KANSL1L: variants seen among roughly 807,000 people sequenced by gnomAD.
KANSL1L encodes the protein KAT8 regulatory NSL complex subunit 1-like protein.
KANSL1L carries 25 observed loss-of-function variants against 108.6 expected under a neutral mutation model. The observed-to-expected ratio is 0.23, with a 90% CI of 0.17 to 0.32. The LOEUF is 0.32. Ranked by LOEUF, KANSL1L falls within the 10% of genes least tolerant of loss-of-function variation. The pLI is 1.00. For synonymous variants in KANSL1L, 405 were observed against 395.1 expected, an observed-to-expected ratio of 1.03 and a Z score of -0.30; for missense variants, 1,137 against 1,125.7, an observed-to-expected ratio of 1.01 and a Z score of -0.14.
At chr2:210,160,664 A>G (rs1422913331) in intron 1 of KANSL1L, among the ~76,000 whole-genome samples, 1 of 152,234 alleles carries the variant, frequency 6.6e-6, no homozygotes, top group Non-Finnish European at 1.5e-5. Flanking sequence ...TAAAAATATC[A>G]AGACCTAAAT....
At chr2:210,150,960 T>C (rs2095299016) in intron 2 of KANSL1L, among the ~76,000 whole-genome samples, 1 of 151,950 alleles carries the variant, frequency 6.6e-6, no homozygotes, top group South Asian at 2.1e-4. Context: ...TTATAGGAAA[T>C]CAATGAAGAG....
At chr2:210,086,671 G>A (rs1575503032) in intron 5 of KANSL1L, among the ~76,000 whole-genome samples, 1 of 151,858 alleles carries the variant, frequency 6.6e-6, no homozygotes, top group Non-Finnish European at 1.5e-5. Context: ...AAATTATGAA[G>A]AATTCATATT....
intron 2 of KANSL1L, among the ~76,000 whole-genome samples, chr2:210,132,436 A>C (rs889370557): frequency 2.0e-5 from 3 of 152,170 alleles, no homozygotes; most frequent in East Asian, 1.9e-4. Context: ...TCTCTAGTAA[A>C]GATCAAAGAC....
intron 6 of KANSL1L, among the ~76,000 whole-genome samples, chr2:210,072,548 T>C (rs2094515180): frequency 6.6e-6 from 1 of 152,154 alleles, no homozygotes; most frequent in African/African-American, 2.4e-5. Flanking sequence ...GATGGGGAGA[T>C]GGTTTCAGGA....
chr2:210,147,166 G>C (rs1412358883), intron 2 of KANSL1L, among the ~76,000 whole-genome samples: 1 of 152,158 alleles, frequency 6.6e-6, no homozygotes, highest in Non-Finnish European at 1.5e-5. Flanking sequence ...TGCCACAGTA[G>C]ACAATATTTC....
At chr2:210,140,563 C>G (rs1235245506) in intron 2 of KANSL1L, among the ~76,000 whole-genome samples, 1 of 152,142 alleles carries the variant, frequency 6.6e-6, no homozygotes, top group Non-Finnish European at 1.5e-5. Context: ...ATAGTTTTCT[C>G]AATGTATTTT....
chr2:210,120,948 T>C (rs1458640558), intron 3 of KANSL1L, among the ~76,000 whole-genome samples: 1 of 152,124 alleles, frequency 6.6e-6, no homozygotes, highest in East Asian at 1.9e-4. Flanking sequence ...CACAATGAGA[T>C]ACCATCTAAC....
intron 6 of KANSL1L, among the ~76,000 whole-genome samples, chr2:210,046,837 C>T (rs1344728927): frequency 6.6e-6 from 1 of 152,108 alleles, no homozygotes; most frequent in Non-Finnish European, 1.5e-5. Context: ...TGTGTAGACA[C>T]CACCAAAATC....
intron 1 of KANSL1L, among the ~76,000 whole-genome samples, chr2:210,163,637 C>T (rs2095372567): frequency 6.6e-6 from 1 of 152,216 alleles, no homozygotes; most frequent in Non-Finnish European, 1.5e-5. Context: ...TAATGTCAGA[C>T]ACCAAACCAC....
intron 6 of KANSL1L, among the ~76,000 whole-genome samples, chr2:210,066,229 A>G (rs898370588): frequency 1.6e-4 from 25 of 152,358 alleles, no homozygotes; most frequent in African/African-American, 6.0e-4. Context: ...AAGGAAGCCC[A>G]GCTATTCCAG....
rs1447930793 is a variant in KANSL1L, at chr2:210,029,579, AAC to A, written c.2271+222_2271+223del. 2.6e-5 allele frequency among the ~76,000 whole-genome samples: 4 copies of A among 152,280 alleles called. No homozygotes were observed. The East Asian group carries it at 5.8e-4, about 22-fold the overall frequency. On this transcript the variant is annotated intron_variant, in intron 10 of 14. Transcript: ENST00000281772. ...TGATCATGATAATGTTTAAATTTTT[AAC>A]ACATAAAAAGAAGCTATAACCAAAT...
In KANSL1L at chr2:210,023,007, C is replaced by CCAT. The variant is rs762917732; in HGVS notation, c.2903_2905dup (p.Asp968dup). On this transcript the variant is annotated inframe_insertion, in exon 15 of 15. Coordinates refer to ENST00000281772, the MANE Select transcript of KANSL1L (RefSeq NM_152519.4). ...ACCAAAGGTTTTGTATTCTTCCATTCCATCTGACTGCTTTTTTGGATGGTG... is the reference window on the plus strand; with the variant it reads ...ACCAAAGGTTTTGTATTCTTCCATTCCATCATCTGACTGCTTTTTTGGATGGTG... The CCAT allele has an allele frequency of 1.5e-5, 24 of 1,613,976 alleles. No individual in the cohort carries two copies. In the East Asian group the frequency reaches 5.1e-4, roughly 34 times the overall value.
intron 3 of KANSL1L, among the ~76,000 whole-genome samples, chr2:210,127,903 G>GC (rs2095083780): frequency 6.9e-6 from 1 of 144,384 alleles, no homozygotes; most frequent in Non-Finnish European, 1.5e-5. Context: ...GAATTAAAAC[G>GC]CAACAAGAAA....
intron 2 of KANSL1L, 106 bp downstream of exon 2, chr2:210,153,389 G>A: frequency 2.4e-6 from 2 of 816,996 alleles, no homozygotes; most frequent in Non-Finnish European, 3.8e-6. Flanking sequence ...AAAGATTATA[G>A]CATTAAGATT....
At chr2:210,085,074 T>C (rs2094625075) in intron 5 of KANSL1L, among the ~76,000 whole-genome samples, 1 of 152,114 alleles carries the variant, frequency 6.6e-6, no homozygotes. Context: ...GAAATTTGAA[T>C]ATGGATAGAG....
chr2:210,126,128 A>C (rs2095063378), intron 3 of KANSL1L, among the ~76,000 whole-genome samples: 1 of 152,230 alleles, frequency 6.6e-6, no homozygotes, highest in Non-Finnish European at 1.5e-5. Flanking sequence ...CAGAGTAGCA[A>C]GATCACACAG....
intron 2 of KANSL1L, among the ~76,000 whole-genome samples, chr2:210,143,334 T>C (rs1477835203): frequency 6.6e-6 from 1 of 152,124 alleles, no homozygotes; most frequent in Non-Finnish European, 1.5e-5. Flanking sequence ...TGTGTGTCCT[T>C]ATACTGGAAG....
intron 7 of KANSL1L, among the ~76,000 whole-genome samples, chr2:210,043,121 C>G (rs2094184644): frequency 6.6e-6 from 1 of 152,080 alleles, no homozygotes; most frequent in Admixed American, 6.6e-5. Context: ...TTTAAAACCA[C>G]CTAGAGTAAT....
intron 7 of KANSL1L, among the ~76,000 whole-genome samples, chr2:210,042,521 G>A (rs1174638863): frequency 6.6e-6 from 1 of 152,156 alleles, no homozygotes; most frequent in Non-Finnish European, 1.5e-5. Context: ...TCTGGAGAAT[G>A]ACTACCTCAA....
Sources: gnomAD v4.1 joint callset for allele counts (sites outside exome capture counted in the v4.1 genomes callset) on GRCh38, gnomAD v4.1.1 for gene constraint, MANE v1.5 for transcripts, NCBI Gene and HGNC (gene_info 2026-07-23, HGNC 2026-07-21) for gene names.